Variants in TLK2 observed in about 807,000 individuals in gnomAD.
The protein encoded by TLK2 is serine/threonine-protein kinase tousled-like 2.
Under a neutral mutation model 117.3 loss-of-function variants are expected in TLK2, and 6 were observed. That is an observed-to-expected ratio of 0.05 (90% CI 0.03 to 0.10). The LOEUF (loss-of-function observed/expected upper bound fraction) is 0.10. TLK2 is among the 10% of genes least tolerant of loss of function. The pLI is 1.00. For missense variants in TLK2, 299 were observed against 901.2 expected (o/e 0.33, Z 8.56); for synonymous variants, 257 against 316.7 (o/e 0.81, Z 2.00).
chr17:62,501,298 T>C (rs1385723521), intron 2 of TLK2, among the ~76,000 whole-genome samples: 1 of 152,052 alleles, frequency 6.6e-6, no homozygotes, highest in Non-Finnish European at 1.5e-5. Context: ...ATATCAAAAT[T>C]TGTGGGATAC....
rs200607902 is a variant in TLK2 at position 62,522,189 on chromosome 17, T to C, written c.154-15T>C. ...TTACCAAAATGCTAATTGTGACTTA[T>C]ATGGTATTTGACAGACTCCCGAGAA... On this transcript the variant is annotated splice_polypyrimidine_tract_variant and intron_variant, in intron 3 of 21. Coordinates refer to ENST00000346027, the MANE Select transcript of TLK2 (RefSeq NM_006852.6). 1.2e-5 allele frequency: 20 copies of C among 1,610,808 alleles called. No homozygotes were observed. The highest frequency in any genetic ancestry group is 1.7e-4 in the Middle Eastern group (1 of 6,048).
At chr17:62,501,129 A>G (rs968974493) in intron 2 of TLK2, among the ~76,000 whole-genome samples, 19 of 152,022 alleles carry the variant, frequency 1.2e-4, no homozygotes, top group African/African-American at 4.1e-4. Flanking sequence ...TCCCAGCTAC[A>G]TGGGAGGCTG....
chr17:62,584,217 C>T (rs959580560), intron 15 of TLK2, among the ~76,000 whole-genome samples: 8 of 149,064 alleles, frequency 5.4e-5, no homozygotes, highest in East Asian at 4.0e-4. Context: ...CCCGGGTTCA[C>T]GCCATTCTCC....
intron 7 of TLK2, among the ~76,000 whole-genome samples, chr17:62,547,740 T>A (rs924071979): frequency 2.0e-5 from 3 of 152,188 alleles, no homozygotes; most frequent in Non-Finnish European, 2.9e-5. Flanking sequence ...TTTAAACCCA[T>A]ATACCATATA....
At chr17:62,534,360 CATG>C (rs778705536) in intron 6 of TLK2, among the ~76,000 whole-genome samples, 14 of 152,190 alleles carry the variant, frequency 9.2e-5, no homozygotes, top group Admixed American at 3.3e-4. Flanking sequence ...AACCCAGGAA[CATG>C]ATATTACCGT....
At chr17:62,480,120 G>C (rs961977204) in intron 1 of TLK2, among the ~76,000 whole-genome samples, 35 of 152,270 alleles carry the variant, frequency 2.3e-4, no homozygotes, top group African/African-American at 8.2e-4. Context: ...TGAAGGACTT[G>C]TAAGGGGGTT....
chr17:62,529,672 T>A (rs2076608204), intron 6 of TLK2, among the ~76,000 whole-genome samples: 1 of 152,224 alleles, frequency 6.6e-6, no homozygotes, highest in East Asian at 1.9e-4. Context: ...AATTAGATTT[T>A]TTTCTCTTAA....
intron 10 of TLK2, among the ~76,000 whole-genome samples, chr17:62,560,933 C>T (rs1268458772): frequency 1.3e-5 from 2 of 152,058 alleles, no homozygotes; most frequent in Non-Finnish European, 2.9e-5. Context: ...TCCATCAACT[C>T]GTCATTTAAC....
chr17:62,514,936 T>C (rs1185662062), intron 2 of TLK2, among the ~76,000 whole-genome samples: 1 of 152,240 alleles, frequency 6.6e-6, no homozygotes, highest in Non-Finnish European at 1.5e-5. Context: ...AGTTCAGTAG[T>C]AAATACATTC....
chr17:62,500,268 G>T (rs947179414), intron 2 of TLK2, among the ~76,000 whole-genome samples: 20 of 151,856 alleles, frequency 1.3e-4, no homozygotes, highest in African/African-American at 4.8e-4. Flanking sequence ...AATGGAAAAA[G>T]ATACTGTATA....
chr17:62,505,145 T>C (rs750695853), intron 2 of TLK2, among the ~76,000 whole-genome samples: 7 of 152,144 alleles, frequency 4.6e-5, no homozygotes, highest in Non-Finnish European at 8.8e-5. Flanking sequence ...TGGCCGTGAT[T>C]TTATTTTAAA....
intron 16 of TLK2, among the ~76,000 whole-genome samples, chr17:62,595,487 C>T (rs1316710626): frequency 6.6e-6 from 1 of 151,720 alleles, no homozygotes; most frequent in Non-Finnish European, 1.5e-5. Flanking sequence ...ACCACAAGCG[C>T]GAGTAATGCA....
chr17:62,541,389 T>TA (rs1198060680), intron 7 of TLK2, among the ~76,000 whole-genome samples: 1 of 152,202 alleles, frequency 6.6e-6, no homozygotes, highest in Non-Finnish European at 1.5e-5. Flanking sequence ...CATGAGTTAG[T>TA]AAAAGCATTC....
chr17:62,554,912 A>C (rs2078735747), intron 9 of TLK2, among the ~76,000 whole-genome samples: 1 of 152,010 alleles, frequency 6.6e-6, no homozygotes, highest in Non-Finnish European at 1.5e-5. Context: ...TCTTTACAAA[A>C]TACAGAAAAA....
chr17:62,546,779 C>A lies in TLK2; in HGVS notation c.532-5523C>A, dbSNP rs769753575. Among the ~76,000 whole-genome samples, 4 of 151,672 alleles carry A rather than the reference C, an allele frequency of 2.6e-5. No homozygotes were observed. The South Asian group carries it at 8.4e-4, about 32-fold the overall frequency. ...TTCACCATGTTGGCCAGGCTGGTCT[C>A]GAACTCCTGACCTCAGGTGATCCAC... On this transcript the variant is annotated intron_variant, in intron 7 of 21. Coordinates refer to ENST00000346027, the MANE Select transcript of TLK2 (RefSeq NM_006852.6).
At chr17:62,537,519 A>T (rs1396644697) in intron 7 of TLK2, among the ~76,000 whole-genome samples, 1 of 151,954 alleles carries the variant, frequency 6.6e-6, no homozygotes, top group African/African-American at 2.4e-5. Context: ...TATCCCAGAG[A>T]TGTGTGCATT....
At chr17:62,546,344 G>GTTTTTTTTTTTTTTGTT (rs1555628573) in intron 7 of TLK2, among the ~76,000 whole-genome samples, 1 of 23,346 alleles carries the variant, frequency 4.3e-5, no homozygotes, top group East Asian at 2.8e-3. Flanking sequence ...TTTGTTGATT[G>GTTTTTTTTTTTTTTGTT]TTTTTTTTTT....
chr17:62,544,326 C>G (rs1294425480), intron 7 of TLK2, among the ~76,000 whole-genome samples: 2 of 152,120 alleles, frequency 1.3e-5, no homozygotes, highest in Non-Finnish European at 2.9e-5. Context: ...AGCTTACAGT[C>G]ATGGGAGAAG....
rs542214693 is a variant in TLK2, at chr17:62,574,987, G to A, written c.1121+1620G>A. ...AAAGATTGTCCAGGCTAATTAATCT[G>A]ACCAATGTTTTCTTTCATGACTCCT... is the stretch of plus-strand genomic sequence containing the variant. On this transcript the variant is annotated intron_variant, in intron 12 of 21. Transcript: ENST00000346027. 1.4e-4 allele frequency among the ~76,000 whole-genome samples: 21 copies of A among 152,300 alleles called. 1 individual carries two copies. In the South Asian group the frequency reaches 4.4e-3, roughly 32 times the overall value.
Sources: gnomAD v4.1 joint callset for allele counts (sites outside exome capture counted in the v4.1 genomes callset) on GRCh38, gnomAD v4.1.1 for gene constraint, MANE v1.5 for transcripts, NCBI Gene and HGNC (gene_info 2026-07-23, HGNC 2026-07-21) for gene names.